The following SGCD variants were observed in gnomAD, a reference collection of about 807,000 sequenced individuals.
SGCD encodes delta-sarcoglycan.
Under a neutral mutation model 36.6 loss-of-function variants are expected in SGCD, and 18 were observed. The observed-to-expected ratio is 0.49, with a 90% CI of 0.34 to 0.73. The LOEUF is 0.73. SGCD is among the 30% of genes least tolerant of loss of function. The probability of loss-of-function intolerance (pLI) is 0.01; values close to 1 mark genes in which losing one functional copy is unlikely to be tolerated. For missense variants in SGCD, 387 were observed against 346.7 expected (o/e 1.12, Z -0.92); for synonymous variants, 133 against 130.6 (o/e 1.02, Z -0.12).
intron 6 of SGCD, among the ~76,000 whole-genome samples, chr5:156,617,828 C>A (rs1394562628): frequency 6.6e-6 from 1 of 151,860 alleles, no homozygotes; most frequent in African/African-American, 2.4e-5. Context: ...CTCAGAAGTC[C>A]AGGGCCCTAT....
intron 3 of SGCD, among the ~76,000 whole-genome samples, chr5:156,228,601 A>G (rs576869213): frequency 3.9e-5 from 6 of 152,288 alleles, no homozygotes; most frequent in South Asian, 2.1e-4. Flanking sequence ...CTGCAATTCT[A>G]TATCTTTTAA....
intron 4 of SGCD, among the ~76,000 whole-genome samples, chr5:156,523,804 A>G (rs929538938): frequency 3.3e-5 from 5 of 151,702 alleles, no homozygotes; most frequent in Non-Finnish European, 7.4e-5. Flanking sequence ...ATTGTGTCAT[A>G]CCCAGTTACT....
intron 1 of SGCD, among the ~76,000 whole-genome samples, chr5:155,933,458 A>G (rs1757136324): frequency 6.6e-6 from 1 of 152,238 alleles, no homozygotes; most frequent in African/African-American, 2.4e-5. Flanking sequence ...AAGCATACAT[A>G]GAGTATCTTG....
Position 156,344,542 on chromosome 5 carries a change from G to A in SGCD, c.57G>A (p.Gly19=). ...HHRSTMPGSV[G]PQVYKVGIYG... Reference sequence around the variant, plus strand: ...GGAGCACCATGCCTGGCTCTGTGGGGCCACAGGTATACAAGGTGGGGATTT... The same window carrying A: ...GGAGCACCATGCCTGGCTCTGTGGGACCACAGGTATACAAGGTGGGGATTT... Residue 19 remains glycine (G), a synonymous_variant, in exon 3 of 9, where the codon GGG becomes GGA. Transcript: ENST00000337851. 6.2e-7 allele frequency: 1 copy of A among 1,610,962 alleles called. No individual in the cohort carries two copies. Among genetic ancestry groups the A allele is most frequent in the Non-Finnish European group, 8.5e-7 (1 of 1,178,400 alleles).
chr5:155,735,884 T>C, the SGCD span, among the ~76,000 whole-genome samples: 1 of 152,140 alleles, frequency 6.6e-6, no homozygotes, highest in Non-Finnish European at 1.5e-5. Context: ...CCTCCTTTGA[T>C]GTTCTTGTAT....
the SGCD span, among the ~76,000 whole-genome samples, chr5:155,821,619 G>A: frequency 6.6e-6 from 1 of 152,106 alleles, no homozygotes; most frequent in African/African-American, 2.4e-5. Flanking sequence ...GGCCTGAAGA[G>A]TTATTTTTAA....
At chr5:156,648,389 A>C (rs1008064234) in intron 7 of SGCD, among the ~76,000 whole-genome samples, 10 of 152,076 alleles carry the variant, frequency 6.6e-5, no homozygotes, top group Admixed American at 3.3e-4. Context: ...TGCACAAATC[A>C]TATCTACTCT....
At chr5:156,346,647 T>A (rs1250517911) in intron 3 of SGCD, among the ~76,000 whole-genome samples, 1 of 152,170 alleles carries the variant, frequency 6.6e-6, no homozygotes, top group African/African-American at 2.4e-5. Flanking sequence ...ATTGCAGTAG[T>A]AACTTTGGAA....
chr5:156,110,498 C>T (rs747480010), intron 1 of SGCD, among the ~76,000 whole-genome samples: 1 of 151,876 alleles, frequency 6.6e-6, no homozygotes, highest in African/African-American at 2.4e-5. Flanking sequence ...TCCTTTCTCT[C>T]CTCCTGACAC....
At chr5:156,056,731 G>C (rs1418971263) in intron 1 of SGCD, among the ~76,000 whole-genome samples, 1 of 142,420 alleles carries the variant, frequency 7.0e-6, no homozygotes, top group Non-Finnish European at 1.6e-5. Context: ...TTAGCCAGCT[G>C]AGCGTGAATT....
chr5:156,188,352 G>A (rs191752017), intron 3 of SGCD, among the ~76,000 whole-genome samples: 35 of 152,230 alleles, frequency 2.3e-4, no homozygotes, highest in Admixed American at 9.8e-4. Flanking sequence ...TAGTTAAAAG[G>A]TGATAAATAC....
chr5:156,053,446 T>C (rs1181870592), intron 1 of SGCD, among the ~76,000 whole-genome samples: 1 of 146,280 alleles, frequency 6.8e-6, no homozygotes, highest in African/African-American at 2.5e-5. Context: ...CAGGACTACA[T>C]GTGAGCCAAA....
At chr5:156,465,428 A>G (rs572425851) in intron 3 of SGCD, among the ~76,000 whole-genome samples, 15 of 152,340 alleles carry the variant, frequency 9.8e-5, no homozygotes, top group African/African-American at 3.6e-4. Context: ...TCTTTAGGCA[A>G]CGTTCTACAG....
rs184407747 is a variant in SGCD at position 156,245,955 on chromosome 5, A to T, written c.-43-83579A>T. On this transcript the variant is annotated intron_variant, in intron 3 of 9. Coordinates refer to the SGCD transcript ENST00000517913. Reference sequence around the variant, plus strand: ...AGGCTTCATTAATGCAAGAAAATGGATATTGAGCAATTAAGCTTGAGGGAA... The same window carrying T: ...AGGCTTCATTAATGCAAGAAAATGGTTATTGAGCAATTAAGCTTGAGGGAA... 6.9e-4 allele frequency among the ~76,000 whole-genome samples: 105 copies of T among 152,256 alleles called. 2 individuals carry two copies. In the East Asian group the frequency reaches 0.012, roughly 18 times the overall value.
chr5:156,647,383 A>C, intron 6 of SGCD, 81 bp from the exon 7 acceptor site: 1 of 886,992 alleles, frequency 1.1e-6, no homozygotes, highest in Non-Finnish European at 1.8e-6. Flanking sequence ...CGCTGCATTT[A>C]GCTCCAATCA....
chr5:156,716,469 A>C (rs1368994208), intron 7 of SGCD, among the ~76,000 whole-genome samples: 2 of 152,200 alleles, frequency 1.3e-5, no homozygotes, highest in Admixed American at 6.5e-5. Flanking sequence ...TGGTCAGACA[A>C]GCTGTCTTAG....
intron 2 of SGCD, among the ~76,000 whole-genome samples, chr5:156,121,250 A>G (rs1431457391): frequency 1.3e-5 from 2 of 152,220 alleles, no homozygotes; most frequent in Admixed American, 1.3e-4. Flanking sequence ...CTTTAAAAAT[A>G]AAGAACAGTA....
chr5:156,342,520 A>G (rs1768715629), intron 2 of SGCD, among the ~76,000 whole-genome samples: 1 of 152,252 alleles, frequency 6.6e-6, no homozygotes, highest in South Asian at 2.1e-4. Context: ...CTGATGGAAA[A>G]TAAAAACCTA....
chr5:155,886,845 C>G (rs1304319057), intron 1 of SGCD, among the ~76,000 whole-genome samples: 2 of 152,182 alleles, frequency 1.3e-5, no homozygotes, highest in African/African-American at 4.8e-5. Flanking sequence ...GGAAGGCTCA[C>G]TGAATCTGGA....
Sources: allele counts gnomAD v4.1 joint callset (sites outside exome capture counted in the v4.1 genomes callset), GRCh38; gene constraint gnomAD v4.1.1; transcripts MANE v1.5; gene names NCBI Gene and HGNC (gene_info 2026-07-23, HGNC 2026-07-21).